The following PRKCE variants were observed in gnomAD, a reference collection of about 807,000 sequenced individuals.
The protein encoded by PRKCE is protein kinase C epsilon.
In PRKCE, 16 loss-of-function variants were observed where a neutral mutation model predicts 85.4. The ratio of observed to expected loss-of-function variants is 0.19; its 90% CI spans 0.13 to 0.28. PRKCE has a LOEUF of 0.28. Among genes scored for constraint, PRKCE ranks in the 10% least tolerant of loss-of-function variants. The probability of loss-of-function intolerance (pLI) is 1.00; values close to 1 mark genes in which losing one functional copy is unlikely to be tolerated. For synonymous variants in PRKCE, 388 were observed against 371.5 expected, an observed-to-expected ratio of 1.04 and a Z score of -0.51; for missense variants, 573 against 975.2, an observed-to-expected ratio of 0.59 and a Z score of 5.49.
rs1457556688 is a variant in PRKCE, at chr2:45,697,264, G to GGCCCTCCTGGCTGCCCAC, written c.348+44817_348+44834dup. ...GGGGGCGCACCCCACTGGCTGGCCT[G>GGCCCTCCTGGCTGCCCAC]GCCCTCCTGGCTGCCCACATTCTGC... On this transcript the variant is annotated intron_variant, in intron 1 of 14. Coordinates refer to ENST00000306156, the MANE Select transcript of PRKCE (RefSeq NM_005400.3). This position sits in a 1 kb window ranked among gnomAD's most constrained non-coding sequence, Gnocchi z 4.2. Among the ~76,000 whole-genome samples, 1 of 152,134 alleles carries GGCCCTCCTGGCTGCCCAC rather than the reference G, an allele frequency of 6.6e-6. No individual in the cohort carries two copies. Among genetic ancestry groups the GGCCCTCCTGGCTGCCCAC allele is most frequent in the Non-Finnish European group, 1.5e-5 (1 of 68,022 alleles).
chr2:46,181,247 A>G (rs770874449), intron 14 of PRKCE, among the ~76,000 whole-genome samples: 15 of 152,332 alleles, frequency 9.8e-5, no homozygotes, highest in Admixed American at 5.2e-4. Flanking sequence ...GGGTTTTCCC[A>G]GAGATGTTTG....
intron 10 of PRKCE, among the ~76,000 whole-genome samples, chr2:46,022,963 G>C (rs1706795836): frequency 6.6e-6 from 1 of 151,674 alleles, no homozygotes; most frequent in Non-Finnish European, 1.5e-5. Flanking sequence ...GGCGCCTGTA[G>C]TCCCAGCTAC....
chr2:46,061,707 C>A (rs905221098), intron 10 of PRKCE, among the ~76,000 whole-genome samples: 3 of 152,132 alleles, frequency 2.0e-5, no homozygotes, highest in African/African-American at 4.8e-5. Context: ...CATTTTAAAT[C>A]CCCTAGTTCC....
intron 1 of PRKCE, among the ~76,000 whole-genome samples, chr2:45,762,894 A>T (rs1464940291): frequency 6.6e-6 from 1 of 151,888 alleles, no homozygotes; most frequent in African/African-American, 2.4e-5. Flanking sequence ...AGCTACAGGT[A>T]GGTGCTGGGA....
At chr2:45,787,017 T>G (rs1020226867) in intron 1 of PRKCE, among the ~76,000 whole-genome samples, 1 of 152,246 alleles carries the variant, frequency 6.6e-6, no homozygotes, top group African/African-American at 2.4e-5. Context: ...CTGGATCCGA[T>G]GATCCTATGG....
intron 10 of PRKCE, among the ~76,000 whole-genome samples, chr2:46,019,438 A>T (rs929192102): frequency 1.3e-5 from 2 of 152,204 alleles, no homozygotes; most frequent in African/African-American, 4.8e-5. Context: ...CCACCCACCC[A>T]TAACCCTGAA....
At chr2:45,778,159 G>A (rs1685904140) in intron 1 of PRKCE, among the ~76,000 whole-genome samples, 1 of 152,164 alleles carries the variant, frequency 6.6e-6, no homozygotes, top group Non-Finnish European at 1.5e-5. Flanking sequence ...CCCTGGGGTT[G>A]GTGGGTGGAG....
chr2:45,794,881 C>T (rs1014294146), intron 1 of PRKCE, among the ~76,000 whole-genome samples: 19 of 117,206 alleles, frequency 1.6e-4, no homozygotes, highest in Admixed American at 4.4e-4. Flanking sequence ...TTTTTCTTAA[C>T]GGGAGAAGAA....
intron 2 of PRKCE, among the ~76,000 whole-genome samples, chr2:45,865,817 T>TC (rs60846064): frequency 0.34 from 34,046 of 98,764 alleles, 4,160 homozygotes; most frequent in East Asian, 0.45. Flanking sequence ...TTCTTCTTCT[T>TC]TTTTTTTTTT....
intron 2 of PRKCE, among the ~76,000 whole-genome samples, chr2:45,885,288 A>G (rs1429900701): frequency 6.6e-6 from 1 of 152,062 alleles, no homozygotes; most frequent in African/African-American, 2.4e-5. Context: ...GTGACTTCCA[A>G]ATAAAATGAT....
chr2:45,980,242 G>A lies in PRKCE; in HGVS notation c.608-54G>A, dbSNP rs958653837. On this transcript the variant is annotated intron_variant, in intron 4 of 14. Transcript: ENST00000306156. ...ACCAAGCCCTGAATAGATCCTGGGA[G>A]GGACACTCCCTTTCCTGAGTGTCAT... 4.5e-6 allele frequency: 7 copies of A among 1,541,940 alleles called. No homozygotes were observed. In the Admixed American group the frequency reaches 1.2e-4, roughly 26 times the overall value.
chr2:45,991,616 G>A (rs1192319487), intron 6 of PRKCE, among the ~76,000 whole-genome samples: 1 of 152,158 alleles, frequency 6.6e-6, no homozygotes, highest in Admixed American at 6.5e-5. Flanking sequence ...TGGTTTGTGT[G>A]TTGTCGCCAT....
intron 1 of PRKCE, among the ~76,000 whole-genome samples, chr2:45,696,440 G>A (rs963795185): frequency 2.0e-5 from 3 of 151,998 alleles, no homozygotes; most frequent in South Asian, 2.1e-4. Flanking sequence ...AGGAGGCAGT[G>A]GAAGTGCACC....
At chr2:45,683,097 G>A (rs976770101) in intron 1 of PRKCE, among the ~76,000 whole-genome samples, 1 of 152,178 alleles carries the variant, frequency 6.6e-6, no homozygotes, top group African/African-American at 2.4e-5. Flanking sequence ...ATCCAGCAGA[G>A]ATTTTACTTC....
intron 2 of PRKCE, among the ~76,000 whole-genome samples, chr2:45,890,449 G>A (rs562442014): frequency 2.1e-4 from 32 of 151,726 alleles, no homozygotes; most frequent in Non-Finnish European, 3.1e-4. Flanking sequence ...GTGTGATCTC[G>A]GCTCACTGCA....
intron 2 of PRKCE, among the ~76,000 whole-genome samples, chr2:45,869,205 G>A (rs1243448196): frequency 6.6e-6 from 1 of 152,180 alleles, no homozygotes; most frequent in African/African-American, 2.4e-5. Context: ...TTAAAAATCA[G>A]TAACTTGATA....
intron 11 of PRKCE, among the ~76,000 whole-genome samples, chr2:46,120,933 G>A (rs190569405): frequency 6.6e-6 from 1 of 152,234 alleles, no homozygotes; most frequent in East Asian, 1.9e-4. Context: ...ACCACTCACA[G>A]CTGTTACGTT....
intron 1 of PRKCE, among the ~76,000 whole-genome samples, chr2:45,748,661 G>A (rs537695107): frequency 1.3e-5 from 2 of 152,078 alleles, no homozygotes; most frequent in Admixed American, 6.6e-5. Flanking sequence ...GGGTCTTCTC[G>A]GAGCTGGTCA....
chr2:45,678,057 C>T, intron 1 of PRKCE: 1 of 220,874 alleles, frequency 4.5e-6, no homozygotes, highest in Non-Finnish European at 7.6e-6. Flanking sequence ...AGGGGGAAAA[C>T]TTTGTGGTCA....
Sources: gnomAD v4.1 joint callset for allele counts (sites outside exome capture counted in the v4.1 genomes callset) on GRCh38, gnomAD v4.1.1 for gene constraint, Gnocchi (gnomAD v3.1) non-coding constraint, MANE v1.5 for transcripts, NCBI Gene and HGNC (gene_info 2026-07-23, HGNC 2026-07-21) for gene names.